The following TEX9 variants were observed in gnomAD, a reference collection of about 807,000 sequenced individuals.
TEX9 encodes testis expressed 9.
A neutral mutation model predicts 59.6 loss-of-function variants in TEX9; 74 were observed. That is an observed-to-expected ratio of 1.24 (90% CI 1.03 to 1.51). The LOEUF (loss-of-function observed/expected upper bound fraction) is 1.51. TEX9 is among the 40% of genes most tolerant of loss of function. The pLI, the probability that TEX9 is intolerant of heterozygous loss-of-function variation, is 0.00. For missense variants in TEX9, 522 were observed against 447.8 expected (o/e 1.17, Z -1.49); for synonymous variants, 186 against 152.2 (o/e 1.22, Z -1.64).
At chr15:56,412,917 G>C (rs971489028) in intron 10 of TEX9, among the ~76,000 whole-genome samples, 2 of 152,072 alleles carry the variant, frequency 1.3e-5, no homozygotes, top group South Asian at 2.1e-4. Context: ...TGATTTAATA[G>C]GTCTGGAGTG....
chr15:56,394,528 A>G (rs1433821048), intron 8 of TEX9, 133 bp from the exon 9 acceptor site: 1 of 738,434 alleles, frequency 1.4e-6, no homozygotes, highest in Admixed American at 3.4e-5. Flanking sequence ...TTTTGAAGAT[A>G]AAAATAGACT....
intron 1 of TEX9, among the ~76,000 whole-genome samples, chr15:56,327,892 C>T (rs1286780848): frequency 1.2e-4 from 19 of 152,096 alleles, no homozygotes. Context: ...CCTAGGTAAA[C>T]TTGAAAGGCA....
intron 1 of TEX9, among the ~76,000 whole-genome samples, chr15:56,246,588 A>C (rs2043863183): frequency 6.6e-6 from 1 of 152,178 alleles, no homozygotes; most frequent in Non-Finnish European, 1.5e-5. Context: ...GGTTCCTTTG[A>C]TTGTGCAACC....
intron 1 of TEX9, among the ~76,000 whole-genome samples, chr15:56,348,964 C>T (rs561598226): frequency 7.4e-4 from 113 of 151,722 alleles, no homozygotes; most frequent in African/African-American, 2.4e-3. Context: ...ATAATTTCTA[C>T]GGACCTATCT....
chr15:56,328,817 A>ACT (rs2046081215), intron 1 of TEX9, among the ~76,000 whole-genome samples: 1 of 151,884 alleles, frequency 6.6e-6, no homozygotes, highest in Non-Finnish European at 1.5e-5. Flanking sequence ...CCAGGCCCTG[A>ACT]CTCCTGTATG....
chr15:56,402,847 T>G (rs1337397204), intron 9 of TEX9, among the ~76,000 whole-genome samples: 1 of 152,188 alleles, frequency 6.6e-6, no homozygotes, highest in African/African-American at 2.4e-5. Flanking sequence ...AATCAATAAA[T>G]GTAATCCATC....
At chr15:56,382,675 A>C (rs1328652209) in intron 3 of TEX9, among the ~76,000 whole-genome samples, 1 of 152,152 alleles carries the variant, frequency 6.6e-6, no homozygotes, top group African/African-American at 2.4e-5. Context: ...TAGGGCTTGT[A>C]ATGGTGGCTG....
chr15:56,417,864 T>C (rs1287946741), intron 10 of TEX9, among the ~76,000 whole-genome samples: 1 of 151,970 alleles, frequency 6.6e-6, no homozygotes, highest in Non-Finnish European at 1.5e-5. Context: ...ATCTGGGTGC[T>C]TCTGTGTTGT....
intron 1 of TEX9, among the ~76,000 whole-genome samples, chr15:56,311,120 T>TATTTCTTTTTTTTTTTA (rs1231568534): frequency 0.025 from 3,667 of 145,278 alleles, 170 homozygotes; most frequent in African/African-American, 0.087. Context: ...GGTGACTCCT[T>TATTTCTTTTTTTTTTTA]ATTTCTTTTT....
intron 1 of TEX9, among the ~76,000 whole-genome samples, chr15:56,255,507 C>T (rs1257925419): frequency 6.6e-6 from 1 of 151,598 alleles, no homozygotes; most frequent in African/African-American, 2.4e-5. Context: ...AAAAAGACAC[C>T]TAAAAAGAAG....
At chr15:56,403,239 T>C (rs2142516581) in intron 9 of TEX9, among the ~76,000 whole-genome samples, 1 of 152,344 alleles carries the variant, frequency 6.6e-6, no homozygotes. Flanking sequence ...GAAAACCCCA[T>C]CGTCTCAGCC....
chr15:56,273,200 G>A (rs765910997), intron 1 of TEX9, among the ~76,000 whole-genome samples: 3 of 152,066 alleles, frequency 2.0e-5, no homozygotes, highest in Non-Finnish European at 4.4e-5. Context: ...TGATCTGCCT[G>A]CCTTGGCCTC....
intron 12 of TEX9, among the ~76,000 whole-genome samples, chr15:56,432,824 A>G (rs1418341310): frequency 1.3e-5 from 2 of 152,186 alleles, no homozygotes; most frequent in African/African-American, 4.8e-5. Flanking sequence ...TATTTGAAAC[A>G]TCTGCATTAT....
chr15:56,358,280 G>C (rs1243471777), intron 1 of TEX9, among the ~76,000 whole-genome samples: 2 of 151,596 alleles, frequency 1.3e-5, no homozygotes, highest in Non-Finnish European at 2.9e-5. Flanking sequence ...AGAATGAGAT[G>C]TCAGGAGGAC....
chr15:56,387,834 T>A (rs1171398218), intron 4 of TEX9, among the ~76,000 whole-genome samples: 1 of 151,928 alleles, frequency 6.6e-6, no homozygotes, highest in East Asian at 1.9e-4. Flanking sequence ...AGTGGGTGGA[T>A]TCAGCCTGTG....
intron 1 of TEX9, among the ~76,000 whole-genome samples, chr15:56,310,103 C>T (rs1174556580): frequency 2.0e-5 from 3 of 152,148 alleles, no homozygotes; most frequent in Non-Finnish European, 4.4e-5. Context: ...AGACTAGGGC[C>T]ATCCTAGGGA....
At chr15:56,357,901 A>G (rs1444682354) in intron 1 of TEX9, among the ~76,000 whole-genome samples, 1 of 152,052 alleles carries the variant, frequency 6.6e-6, no homozygotes, top group Non-Finnish European at 1.5e-5. Flanking sequence ...AAGTCTAAAT[A>G]TTTGTTATTT....
At chr15:56,447,071 A>G (rs1359109589), downstream of TEX9, 4 of 634,432 alleles carry the variant, frequency 6.3e-6, no homozygotes, top group African/African-American at 5.5e-5. Context: ...TTTTAGATCC[A>G]TAGGAGAAAT....
intron 1 of TEX9, among the ~76,000 whole-genome samples, chr15:56,309,706 T>G (rs1220621691): frequency 7.6e-6 from 1 of 130,914 alleles, no homozygotes; most frequent in Middle Eastern, 3.6e-3. Flanking sequence ...TTTTTTTTTT[T>G]TTTTTTTTTT....
Sources: allele counts gnomAD v4.1 joint callset (sites outside exome capture counted in the v4.1 genomes callset), GRCh38; gene constraint gnomAD v4.1.1; transcripts MANE v1.5; gene names NCBI Gene and HGNC (gene_info 2026-07-23, HGNC 2026-07-21).